The following CNOT4 variants were observed in gnomAD, a reference collection of about 807,000 sequenced individuals.
CNOT4 encodes the protein CCR4-NOT transcription complex subunit 4.
Under a neutral mutation model 73.8 loss-of-function variants are expected in CNOT4, and 8 were observed. The ratio of observed to expected loss-of-function variants is 0.11; its 90% CI spans 0.06 to 0.20. CNOT4 has a LOEUF of 0.20. Ranked by LOEUF, CNOT4 falls within the 10% of genes least tolerant of loss-of-function variation. CNOT4 has a pLI of 1.00. For synonymous variants in CNOT4, 293 were observed against 321.1 expected (o/e 0.91, Z 0.94); for missense variants, 564 against 883.4 (o/e 0.64, Z 4.58).
At chr7:135,378,578 CA>C (rs1205282128) in intron 10 of CNOT4, among the ~76,000 whole-genome samples, 1 of 151,064 alleles carries the variant, frequency 6.6e-6, no homozygotes, top group African/African-American at 2.4e-5. Flanking sequence ...AATAAGCTGA[CA>C]GGTGAGTAAG....
At chr7:135,416,788 T>C (rs910741148) in intron 3 of CNOT4, among the ~76,000 whole-genome samples, 1 of 152,088 alleles carries the variant, frequency 6.6e-6, no homozygotes. Flanking sequence ...GAAACTTTTA[T>C]TGGGAGAGAC....
intron 1 of CNOT4, among the ~76,000 whole-genome samples, chr7:135,456,946 A>G (rs1462477389): frequency 6.6e-6 from 1 of 152,060 alleles, no homozygotes; most frequent in African/African-American, 2.4e-5. Context: ...TTTGCAGATG[A>G]TAAGATTTTG....
intron 1 of CNOT4, among the ~76,000 whole-genome samples, chr7:135,479,848 C>T (rs989280283): frequency 3.3e-5 from 5 of 152,018 alleles, no homozygotes; most frequent in African/African-American, 1.2e-4. Flanking sequence ...CAAGATCGCA[C>T]CACTGCACTC....
intron 1 of CNOT4, among the ~76,000 whole-genome samples, chr7:135,478,638 G>T (rs1375446564): frequency 1.3e-5 from 2 of 152,096 alleles, no homozygotes; most frequent in Admixed American, 6.6e-5. Flanking sequence ...AGGAGGTGGA[G>T]GTTGCAGTGA....
intron 1 of CNOT4, among the ~76,000 whole-genome samples, chr7:135,462,580 T>C (rs2129486357): frequency 6.6e-6 from 1 of 152,246 alleles, no homozygotes; most frequent in East Asian, 1.9e-4. Context: ...CCTTATACTT[T>C]TGTCCATTAC....
chr7:135,430,373 C>T (rs1045840960), intron 2 of CNOT4, among the ~76,000 whole-genome samples: 3 of 152,144 alleles, frequency 2.0e-5, no homozygotes, highest in Non-Finnish European at 2.9e-5. Flanking sequence ...CGTAGTGGTT[C>T]GTGCCTATAA....
chr7:135,496,402 G>A (rs1384179137), intron 1 of CNOT4, among the ~76,000 whole-genome samples: 1 of 152,058 alleles, frequency 6.6e-6, no homozygotes, highest in African/African-American at 2.4e-5. Flanking sequence ...CAACTGAATA[G>A]TCTTTATCAG....
chr7:135,495,426 AC>A (rs1299468161), intron 1 of CNOT4, among the ~76,000 whole-genome samples: 1 of 145,852 alleles, frequency 6.9e-6, no homozygotes, highest in South Asian at 2.1e-4. Context: ...AATCGCTTGA[AC>A]CCGGGAGGCG....
chr7:135,507,615 A>G (rs1486446908), intron 1 of CNOT4, among the ~76,000 whole-genome samples: 1 of 151,818 alleles, frequency 6.6e-6, no homozygotes, highest in African/African-American at 2.4e-5. Flanking sequence ...CCTTTTTTTA[A>G]AAAAAAAGAT....
chr7:135,395,045 A>AAAATCTTAAACAC (rs1366938015), intron 9 of CNOT4, among the ~76,000 whole-genome samples: 1 of 152,092 alleles, frequency 6.6e-6, no homozygotes, highest in East Asian at 1.9e-4. Flanking sequence ...CTGGGGGTGG[A>AAAATCTTAAACAC]AAATCTTAAA....
intron 1 of CNOT4, among the ~76,000 whole-genome samples, chr7:135,507,736 T>A (rs999250196): frequency 6.6e-6 from 1 of 152,172 alleles, no homozygotes; most frequent in Non-Finnish European, 1.5e-5. Context: ...TGTGTTAGGA[T>A]TTTTAAAAGT....
chr7:135,485,983 G>T (rs1366344567), intron 1 of CNOT4, among the ~76,000 whole-genome samples: 1 of 152,032 alleles, frequency 6.6e-6, no homozygotes, highest in Non-Finnish European at 1.5e-5. Context: ...CCTACAAAGA[G>T]GATGAAAAGA....
Position 135,364,281 on chromosome 7 carries a change from G to C in CNOT4, c.1628-215C>G, listed in dbSNP as rs1437142382. Among the ~76,000 whole-genome samples, 2 of 152,204 alleles carry C rather than the reference G, an allele frequency of 1.3e-5. No homozygotes were observed. Among genetic ancestry groups the C allele is most frequent in the Admixed American group, 6.5e-5 (1 of 15,288 alleles). ...GGAAAAACTTGCTCAAGGATCAGGAGAGGGAGGTTCTTGTCTCTCTATAGC... is the reference window on the plus strand; with the variant it reads ...GGAAAAACTTGCTCAAGGATCAGGACAGGGAGGTTCTTGTCTCTCTATAGC... On this transcript the variant is annotated intron_variant, in intron 10 of 11. Coordinates refer to ENST00000541284, the MANE Select transcript of CNOT4 (RefSeq NM_001190850.2). The surrounding 1 kb of genome is among the most constrained non-coding windows in gnomAD (Gnocchi z 4.3).
chr7:135,470,845 G>A (rs1165945956), intron 1 of CNOT4, among the ~76,000 whole-genome samples: 1 of 152,158 alleles, frequency 6.6e-6, no homozygotes, highest in Admixed American at 6.5e-5. Context: ...GTAGGAAGGA[G>A]TATGAGAGAA....
At chr7:135,377,378 A>G (rs1384645290) in intron 10 of CNOT4, among the ~76,000 whole-genome samples, 1 of 152,196 alleles carries the variant, frequency 6.6e-6, no homozygotes, top group Admixed American at 6.5e-5. Context: ...GGGTGCTGAT[A>G]ATGGAGAACA....
intron 1 of CNOT4, among the ~76,000 whole-genome samples, chr7:135,501,226 C>A (rs1000423007): frequency 3.9e-5 from 6 of 152,036 alleles, no homozygotes; most frequent in Non-Finnish European, 2.9e-5. Context: ...CTCAAGCAAT[C>A]CTCCCACCTC....
At chr7:135,492,497 A>T (rs1040372079) in intron 1 of CNOT4, among the ~76,000 whole-genome samples, 6 of 152,210 alleles carry the variant, frequency 3.9e-5, no homozygotes, top group Admixed American at 6.5e-5. Flanking sequence ...AAGGCAATAG[A>T]ATCAGTGGAC....
intron 1 of CNOT4, among the ~76,000 whole-genome samples, chr7:135,481,941 G>T (rs1479500842): frequency 6.6e-6 from 1 of 152,098 alleles, no homozygotes; most frequent in African/African-American, 2.4e-5. Context: ...GGGTGGGTGG[G>T]TGAGAGGGGA....
chr7:135,407,610 A>G (rs1000288444), intron 7 of CNOT4, among the ~76,000 whole-genome samples: 1 of 152,252 alleles, frequency 6.6e-6, no homozygotes, highest in Admixed American at 6.5e-5. Context: ...GAGATCCAAT[A>G]CAATAAAACA....
Sources: allele counts gnomAD v4.1 joint callset (sites outside exome capture counted in the v4.1 genomes callset), GRCh38; gene constraint gnomAD v4.1.1; non-coding constraint Gnocchi (gnomAD v3.1); transcripts MANE v1.5; gene names NCBI Gene and HGNC (gene_info 2026-07-23, HGNC 2026-07-21).